Variants in CLVS1 observed in about 807,000 individuals in gnomAD.
The protein encoded by CLVS1 is clavesin 1.
A neutral mutation model predicts 33.1 loss-of-function variants in CLVS1; 10 were observed. That is an observed-to-expected ratio of 0.30 (90% CI 0.19 to 0.51). CLVS1 has a LOEUF of 0.51. Ranked by LOEUF, CLVS1 falls within the 20% of genes least tolerant of loss-of-function variation. CLVS1 has a pLI of 0.97. For synonymous variants in CLVS1, 163 were observed against 166.1 expected, an observed-to-expected ratio of 0.98 and a Z score of 0.14; for missense variants, 343 against 433.4, an observed-to-expected ratio of 0.79 and a Z score of 1.85.
chr8:61,031,374 C>T, the CLVS1 span, among the ~76,000 whole-genome samples: 2 of 152,168 alleles, frequency 1.3e-5, no homozygotes, highest in East Asian at 1.9e-4. Flanking sequence ...CCATCTTCCC[C>T]GGCAGCGAAC....
intron 2 of CLVS1, among the ~76,000 whole-genome samples, chr8:61,246,011 A>ATCCTC (rs1030638073): frequency 1.3e-5 from 2 of 151,792 alleles, no homozygotes; most frequent in African/African-American, 2.4e-5. Context: ...ACGTCATATG[A>ATCCTC]TCCTCCTGTC....
the CLVS1 span, among the ~76,000 whole-genome samples, chr8:61,033,039 AAG>A: frequency 2.3e-3 from 259 of 112,478 alleles, 6 homozygotes; most frequent in East Asian, 2.9e-3. Context: ...GAAAGAAAGA[AAG>A]AAAGAAAAAG....
intron 1 of CLVS1, among the ~76,000 whole-genome samples, chr8:61,111,472 G>A (rs920889568): frequency 2.0e-5 from 3 of 152,114 alleles, no homozygotes; most frequent in African/African-American, 7.2e-5. Context: ...AATTGGGAAT[G>A]GAAAGGAAAC....
chr8:61,470,535 C>G (rs1270825618), intron 5 of CLVS1, among the ~76,000 whole-genome samples: 1 of 152,164 alleles, frequency 6.6e-6, no homozygotes, highest in Non-Finnish European at 1.5e-5. Context: ...GGAGATATAG[C>G]CTAGGCAAGA....
intron 2 of CLVS1, among the ~76,000 whole-genome samples, chr8:61,224,311 G>C (rs1563452101): frequency 6.6e-6 from 1 of 152,100 alleles, no homozygotes; most frequent in Non-Finnish European, 1.5e-5. Flanking sequence ...AGTTTGTCTA[G>C]TTTTGGTCTT....
At chr8:61,119,303 T>C (rs1805807302) in intron 1 of CLVS1, among the ~76,000 whole-genome samples, 1 of 152,052 alleles carries the variant, frequency 6.6e-6, no homozygotes, top group South Asian at 2.1e-4. Context: ...TACAGCACAC[T>C]GATGGGTCTT....
At chr8:61,126,618 A>G (rs1805977372) in intron 1 of CLVS1, among the ~76,000 whole-genome samples, 1 of 152,258 alleles carries the variant, frequency 6.6e-6, no homozygotes, top group African/African-American at 2.4e-5. Context: ...TGTAAGAGGC[A>G]GAAACCCAAC....
intron 2 of CLVS1, among the ~76,000 whole-genome samples, chr8:61,232,039 T>TTTTTTTTTTTTTTTTTTG (rs1808453386): frequency 2.2e-5 from 3 of 135,126 alleles, no homozygotes; most frequent in Admixed American, 7.2e-5. Context: ...TTTTTTTTTT[T>TTTTTTTTTTTTTTTTTTG]TTTTTTTTTT....
intron 2 of CLVS1, among the ~76,000 whole-genome samples, chr8:61,244,852 T>C (rs567586605): frequency 6.6e-6 from 1 of 152,002 alleles, no homozygotes. Context: ...TCATTAAAAA[T>C]TTTTTTTACT....
chr8:61,224,067 C>T (rs1808278557), intron 2 of CLVS1, among the ~76,000 whole-genome samples: 3 of 152,126 alleles, frequency 2.0e-5, no homozygotes, highest in Non-Finnish European at 2.9e-5. Flanking sequence ...AGCAATTCCC[C>T]TAACCTTTTA....
intron 3 of CLVS1, among the ~76,000 whole-genome samples, chr8:61,394,222 T>C (rs1814426038): frequency 6.6e-6 from 1 of 152,170 alleles, no homozygotes; most frequent in Admixed American, 6.5e-5. Flanking sequence ...GGTTGTTTTC[T>C]CCCTCCTTGC....
chr8:61,260,647 C>T (rs1346997614), intron 2 of CLVS1, among the ~76,000 whole-genome samples: 1 of 152,132 alleles, frequency 6.6e-6, no homozygotes, highest in Non-Finnish European at 1.5e-5. Flanking sequence ...TCAGGTCTTG[C>T]TTATAAAAGG....
At chr8:61,322,714 C>G (rs1389638627) in intron 2 of CLVS1, among the ~76,000 whole-genome samples, 1 of 152,174 alleles carries the variant, frequency 6.6e-6, no homozygotes, top group African/African-American at 2.4e-5. Flanking sequence ...TTCTTCCCAT[C>G]TTCCTCAGCC....
At chr8:61,227,459 G>C (rs1808355657) in intron 2 of CLVS1, among the ~76,000 whole-genome samples, 1 of 152,010 alleles carries the variant, frequency 6.6e-6, no homozygotes, top group Non-Finnish European at 1.5e-5. Context: ...GCTGCTATTT[G>C]CCTCATTATA....
chr8:61,198,338 A>G (rs1198526541), intron 2 of CLVS1, among the ~76,000 whole-genome samples: 2 of 152,082 alleles, frequency 1.3e-5, no homozygotes, highest in Non-Finnish European at 2.9e-5. Flanking sequence ...CTGGGTTTTT[A>G]TTGTACCTGT....
intron 2 of CLVS1, among the ~76,000 whole-genome samples, chr8:61,321,916 A>G (rs1014878280): frequency 6.6e-6 from 1 of 151,962 alleles, no homozygotes; most frequent in Non-Finnish European, 1.5e-5. Context: ...CCCTCTTCCT[A>G]CTTGTACTCC....
At chr8:61,343,064 A>G (rs1812080664) in intron 2 of CLVS1, among the ~76,000 whole-genome samples, 1 of 152,202 alleles carries the variant, frequency 6.6e-6, no homozygotes, top group Non-Finnish European at 1.5e-5. Flanking sequence ...TGGAGACTTC[A>G]CTGTTCCACT....
chr8:61,002,327 GT>G, the CLVS1 span, among the ~76,000 whole-genome samples: 12,108 of 98,780 alleles, frequency 0.12, 512 homozygotes, highest in East Asian at 0.31. Context: ...ATGCTTGCTT[GT>G]TTTTTTTTTT....
At chr8:61,387,737 T>A (rs1191143848) in intron 3 of CLVS1, among the ~76,000 whole-genome samples, 2 of 152,172 alleles carry the variant, frequency 1.3e-5, no homozygotes, top group African/African-American at 4.8e-5. Flanking sequence ...ATGTTTGGCT[T>A]TCCATTCCTG....
Sources: allele counts gnomAD v4.1 joint callset (sites outside exome capture counted in the v4.1 genomes callset), GRCh38; gene constraint gnomAD v4.1.1; transcripts MANE v1.5; gene names NCBI Gene and HGNC (gene_info 2026-07-23, HGNC 2026-07-21).